COL25A1: variants seen among roughly 807,000 people sequenced by gnomAD.
COL25A1 encodes collagen type XXV alpha 1 chain, also known as collagen alpha-1(XXV) chain.
COL25A1 carries 103 observed loss-of-function variants against 128.4 expected under a neutral mutation model. That is an observed-to-expected ratio of 0.80 (90% CI 0.68 to 0.94). The LOEUF (loss-of-function observed/expected upper bound fraction) is 0.94. Among genes scored for constraint, COL25A1 ranks in the 40% least tolerant of loss-of-function variants. The pLI is 0.00. For synonymous variants in COL25A1, 279 were observed against 277.2 expected (o/e 1.01, Z -0.06); for missense variants, 745 against 840.0 (o/e 0.89, Z 1.40).
At chr4:109,068,165 T>A (rs1036837294) in intron 3 of COL25A1, among the ~76,000 whole-genome samples, 1 of 152,202 alleles carries the variant, frequency 6.6e-6, no homozygotes, top group Non-Finnish European at 1.5e-5. Context: ...TCCTGTATTA[T>A]TGCTTTTTCA....
At chr4:108,827,573 C>T (rs1191222947) in intron 32 of COL25A1, among the ~76,000 whole-genome samples, 1 of 152,174 alleles carries the variant, frequency 6.6e-6, no homozygotes, top group Non-Finnish European at 1.5e-5. Context: ...TTCATCCAGG[C>T]TGGAGTGCAG....
chr4:109,024,069 T>A (rs3096504), intron 5 of COL25A1, among the ~76,000 whole-genome samples: 76,452 of 152,084 alleles, frequency 0.5, 22,000 homozygotes, highest in African/African-American at 0.77. Flanking sequence ...ATTCAATAAA[T>A]TACATGAGAT....
At chr4:108,820,489 T>C (rs1560697012) in intron 35 of COL25A1, among the ~76,000 whole-genome samples, 1 of 152,250 alleles carries the variant, frequency 6.6e-6, no homozygotes, top group Non-Finnish European at 1.5e-5. Context: ...ATTTTTTACA[T>C]CCTTTTGTTA....
intron 11 of COL25A1, among the ~76,000 whole-genome samples, chr4:108,922,742 C>T (rs1447814848): frequency 6.6e-6 from 1 of 152,054 alleles, no homozygotes; most frequent in Admixed American, 6.6e-5. Context: ...CAATATTTTC[C>T]TTTACTGTTA....
intron 3 of COL25A1, among the ~76,000 whole-genome samples, chr4:109,218,044 C>T (rs1418299380): frequency 6.6e-6 from 1 of 152,146 alleles, no homozygotes; most frequent in Non-Finnish European, 1.5e-5. Flanking sequence ...AGAGCCTACA[C>T]CTTTATGCAC....
At chr4:109,271,613 T>C (rs755507068) in intron 3 of COL25A1, among the ~76,000 whole-genome samples, 3 of 152,194 alleles carry the variant, frequency 2.0e-5, no homozygotes, top group Admixed American at 6.5e-5. Flanking sequence ...TTATATTAAA[T>C]GTTATTGAGT....
At chr4:109,213,774 G>A (rs1183829403) in intron 3 of COL25A1, among the ~76,000 whole-genome samples, 1 of 152,162 alleles carries the variant, frequency 6.6e-6, no homozygotes, top group African/African-American at 2.4e-5. Flanking sequence ...ACAATGCAAT[G>A]TCCTAACCTT....
At chr4:108,856,733 A>G (rs911806193) in intron 24 of COL25A1, among the ~76,000 whole-genome samples, 1 of 152,170 alleles carries the variant, frequency 6.6e-6, no homozygotes, top group African/African-American at 2.4e-5. Context: ...GCTGTTTAGT[A>G]GTCATATACA....
At chr4:109,083,448 A>ATTTTTTTTTTTTTTTTTTTTT (rs60165291) in intron 3 of COL25A1, among the ~76,000 whole-genome samples, 1 of 77,010 alleles carries the variant, frequency 1.3e-5, no homozygotes, top group Non-Finnish European at 2.5e-5. Flanking sequence ...CACTAAATAA[A>ATTTTTTTTTTTTTTTTTTTTT]TTTTTTTTTT....
chr4:108,965,017 G>A (rs1356945373), intron 8 of COL25A1, among the ~76,000 whole-genome samples: 1 of 152,108 alleles, frequency 6.6e-6, no homozygotes, highest in Non-Finnish European at 1.5e-5. Flanking sequence ...AACAAATAAG[G>A]ACATCAAATT....
intron 3 of COL25A1, among the ~76,000 whole-genome samples, chr4:109,205,066 T>C (rs1314671708): frequency 2.6e-5 from 4 of 152,190 alleles, no homozygotes; most frequent in African/African-American, 9.6e-5. Context: ...TCTTTGCCCT[T>C]ATAAGAAATA....
chr4:109,246,367 GACT>G (rs1211480149), intron 3 of COL25A1, among the ~76,000 whole-genome samples: 1 of 152,106 alleles, frequency 6.6e-6, no homozygotes, highest in Non-Finnish European at 1.5e-5. Flanking sequence ...AAGCTCTAGA[GACT>G]ACATCATTTT....
intron 3 of COL25A1, among the ~76,000 whole-genome samples, chr4:109,192,196 G>C (rs1486776703): frequency 6.6e-6 from 1 of 152,172 alleles, no homozygotes. Flanking sequence ...AGGCAACCCA[G>C]TAATGGATGA....
At chr4:108,945,505 C>T (rs980494861) in intron 8 of COL25A1, among the ~76,000 whole-genome samples, 1 of 152,126 alleles carries the variant, frequency 6.6e-6, no homozygotes, top group Non-Finnish European at 1.5e-5. Flanking sequence ...AGTCATAATC[C>T]TTTCTAAACA....
chr4:109,176,886 A>G (rs1045268157), intron 3 of COL25A1, among the ~76,000 whole-genome samples: 2 of 152,202 alleles, frequency 1.3e-5, no homozygotes, highest in African/African-American at 4.8e-5. Flanking sequence ...AAGAAGCTGG[A>G]AAACCCAAGG....
At chr4:109,028,117 T>C (rs1758484396) in intron 5 of COL25A1, among the ~76,000 whole-genome samples, 1 of 152,170 alleles carries the variant, frequency 6.6e-6, no homozygotes, top group Non-Finnish European at 1.5e-5. Context: ...TCAAAATTCA[T>C]TTATTTATTC....
intron 8 of COL25A1, among the ~76,000 whole-genome samples, chr4:108,966,720 G>T (rs904754567): frequency 4.4e-4 from 67 of 151,962 alleles, no homozygotes; most frequent in African/African-American, 1.6e-3. Context: ...GCATGGTAGT[G>T]TGTGCCTGTA....
rs139439708 is a variant in COL25A1 at position 109,212,108 on chromosome 4, A to G, written c.367+88475T>C. ...AATTGGAAGACCAATTACACAGAAC[A>G]CAGAGGAATGATGATCTGGTTATCC... On this transcript the variant is annotated intron_variant, in intron 3 of 37. Coordinates refer to ENST00000399132, the MANE Select transcript of COL25A1 (RefSeq NM_198721.4). Among the ~76,000 whole-genome samples, 502 of 152,270 alleles carry G rather than the reference A, an allele frequency of 3.3e-3. 2 individuals are homozygous for G. Among genetic ancestry groups the G allele is most frequent in the African/African-American group, 0.012 (480 of 41,562 alleles).
intron 3 of COL25A1, among the ~76,000 whole-genome samples, chr4:109,277,723 A>T (rs543941957): frequency 4.9e-4 from 74 of 152,274 alleles, no homozygotes; most frequent in African/African-American, 1.7e-3. Context: ...CTATGTATCC[A>T]TTTCTGATTC....
Sources: gnomAD v4.1 joint callset for allele counts (sites outside exome capture counted in the v4.1 genomes callset) on GRCh38, gnomAD v4.1.1 for gene constraint, MANE v1.5 for transcripts, NCBI Gene and HGNC (gene_info 2026-07-23, HGNC 2026-07-21) for gene names.